CDH4: variants seen among roughly 807,000 people sequenced by gnomAD.
CDH4 encodes cadherin-4.
A neutral mutation model predicts 86.0 loss-of-function variants in CDH4; 33 were observed. The ratio of observed to expected loss-of-function variants is 0.38; its 90% CI spans 0.29 to 0.51. The LOEUF is 0.51. Ranked by LOEUF, CDH4 falls within the 20% of genes least tolerant of loss-of-function variation. The pLI is 0.86. For missense variants in CDH4, 1,114 were observed against 1,307.4 expected, an observed-to-expected ratio of 0.85 and a Z score of 2.28; for synonymous variants, 555 against 549.4, an observed-to-expected ratio of 1.01 and a Z score of -0.14.
intron 2 of CDH4, among the ~76,000 whole-genome samples, chr20:61,287,400 A>G (rs998277330): frequency 2.0e-5 from 3 of 152,118 alleles, no homozygotes; most frequent in Admixed American, 2.0e-4. Context: ...ACTTCAGCCC[A>G]GGAGGTCAAG....
At chr20:61,471,785 C>G (rs2085505221) in intron 2 of CDH4, among the ~76,000 whole-genome samples, 1 of 152,020 alleles carries the variant, frequency 6.6e-6, no homozygotes, top group Non-Finnish European at 1.5e-5. Context: ...TATTCAGGAG[C>G]CTAGTGTTTA....
intron 9 of CDH4, among the ~76,000 whole-genome samples, chr20:61,916,467 C>T (rs116195681): frequency 0.01 from 1,593 of 152,332 alleles, 33 homozygotes; most frequent in African/African-American, 0.036. Context: ...GCACAGTGCC[C>T]GGCACAAGGT....
At chr20:61,384,230 T>C (rs1396114350) in intron 2 of CDH4, among the ~76,000 whole-genome samples, 1 of 152,138 alleles carries the variant, frequency 6.6e-6, no homozygotes, top group African/African-American at 2.4e-5. Context: ...ATCAGTACTT[T>C]GTATCCTTCA....
intron 2 of CDH4, among the ~76,000 whole-genome samples, chr20:61,660,019 C>A (rs1011314517): frequency 5.9e-5 from 9 of 151,796 alleles, no homozygotes; most frequent in Admixed American, 5.9e-4. Context: ...TGGACTCCTG[C>A]TTTTCCGGCT....
chr20:61,744,704 A>T (rs995855581), intron 3 of CDH4, among the ~76,000 whole-genome samples: 12 of 152,162 alleles, frequency 7.9e-5, no homozygotes, highest in African/African-American at 2.9e-4. Flanking sequence ...CACCCGGGTG[A>T]CAGGGAGGGG....
chr20:61,595,746 T>G (rs1005946779), intron 2 of CDH4, among the ~76,000 whole-genome samples: 1 of 152,184 alleles, frequency 6.6e-6, no homozygotes, highest in Non-Finnish European at 1.5e-5. Context: ...GTGTTGTTGG[T>G]ACACTGCAGA....
At chr20:61,687,806 T>G (rs1205423207) in intron 2 of CDH4, among the ~76,000 whole-genome samples, 2 of 152,156 alleles carry the variant, frequency 1.3e-5, no homozygotes, top group Admixed American at 1.3e-4. Context: ...CGGACTACAA[T>G]TACAATGTGT....
At chr20:61,933,180 A>T in intron 14 of CDH4, 56 bp downstream of exon 14, 1 of 1,584,568 alleles carries the variant, frequency 6.3e-7, no homozygotes, top group East Asian at 2.3e-5. Flanking sequence ...CACGTGTACT[A>T]GTGTCTCAGC....
intron 3 of CDH4, among the ~76,000 whole-genome samples, chr20:61,767,542 G>T (rs763083367): frequency 2.0e-5 from 3 of 152,174 alleles, no homozygotes; most frequent in Non-Finnish European, 4.4e-5. Flanking sequence ...GGCCTTGGGC[G>T]GTGGAGGTGG....
At chr20:61,445,735 T>G (rs1317508650) in intron 2 of CDH4, among the ~76,000 whole-genome samples, 3 of 152,224 alleles carry the variant, frequency 2.0e-5, no homozygotes, top group Non-Finnish European at 4.4e-5. Flanking sequence ...GAAAAAGAAG[T>G]AAAGCCATGT....
At chr20:61,325,673 G>A (rs1022636068) in intron 2 of CDH4, among the ~76,000 whole-genome samples, 3 of 152,030 alleles carry the variant, frequency 2.0e-5, no homozygotes, top group African/African-American at 7.3e-5. Flanking sequence ...CAGCAAAGCG[G>A]GCCCCGACAG....
At chr20:61,597,710 C>T (rs913731176) in intron 2 of CDH4, among the ~76,000 whole-genome samples, 8 of 152,150 alleles carry the variant, frequency 5.3e-5, no homozygotes, top group Non-Finnish European at 7.4e-5. Context: ...AGCAGGGGTG[C>T]GCCTTCAGCG....
chr20:61,923,170 C>A lies in CDH4; in HGVS notation c.1375-281C>A, dbSNP rs565837617. On this transcript the variant is annotated intron_variant, in intron 9 of 15. Transcript: ENST00000614565. ...CCGCCCAGCGGGGGCTGCAGCCCCC[C>A]CAGGAGGAGCCCAGCTTCTGCCTCA... Among the ~76,000 whole-genome samples the A allele has an allele frequency of 1.3e-4, 20 of 152,288 alleles. No individual in the cohort carries two copies. In the East Asian group the frequency reaches 3.7e-3, roughly 28 times the overall value.
intron 2 of CDH4, among the ~76,000 whole-genome samples, chr20:61,656,298 T>TGGGCAGGCGCGTGCTGGGGG (rs2087188923): frequency 1.7e-5 from 1 of 60,236 alleles, no homozygotes; most frequent in Non-Finnish European, 3.0e-5. Context: ...CGTGCTGGGG[T>TGGGCAGGCGCGTGCTGGGGG]GGGTAGGCAC....
chr20:61,381,707 C>G (rs1600920376), intron 2 of CDH4, among the ~76,000 whole-genome samples: 1 of 152,116 alleles, frequency 6.6e-6, no homozygotes, highest in East Asian at 1.9e-4. Context: ...CTTTCCCACC[C>G]CAATTTGGCC....
In CDH4 at chr20:61,681,792, C is replaced by T. The variant is rs1209521093; in HGVS notation, c.170-61771C>T. The stretch of plus-strand genomic sequence containing the variant: ...TCTCAGGCCCGTGCAGCTGACATTC[C>T]TTTGGCTTCCTGGTGATGGAGGGAC... On this transcript the variant is annotated intron_variant, in intron 2 of 15. Transcript: ENST00000614565. This position sits in a 1 kb window ranked among gnomAD's most constrained non-coding sequence, Gnocchi z 4.5. 2.6e-5 allele frequency among the ~76,000 whole-genome samples: 4 copies of T among 152,188 alleles called. No individual in the cohort carries two copies. Among genetic ancestry groups the T allele is most frequent in the African/African-American group, 9.7e-5 (4 of 41,450 alleles).
At chr20:61,806,920 G>T (rs527492561) in intron 4 of CDH4, among the ~76,000 whole-genome samples, 1 of 152,196 alleles carries the variant, frequency 6.6e-6, no homozygotes, top group Non-Finnish European at 1.5e-5. Context: ...GGTAAGAGCC[G>T]CTGCACTCCA....
chr20:61,382,622 G>T (rs1254209637), intron 2 of CDH4, among the ~76,000 whole-genome samples: 2 of 152,208 alleles, frequency 1.3e-5, no homozygotes, highest in African/African-American at 4.8e-5. Context: ...CTGAAATGCA[G>T]GTGCGAGCAG....
rs567667886 is a variant in CDH4, at chr20:61,683,317, G to T, written c.170-60246G>T. Among the ~76,000 whole-genome samples, 31 of 152,312 alleles carry T rather than the reference G, an allele frequency of 2.0e-4. 1 individual carries two copies. Among genetic ancestry groups the T allele is most frequent in the Non-Finnish European group, 2.2e-4 (15 of 68,030 alleles). On this transcript the variant is annotated intron_variant, in intron 2 of 15. Transcript: ENST00000614565. ...GCATTAAGATGGCAGAGAAAGAAAC[G>T]ATCACAAGAGGAAATCATGCACTTC... is the stretch of plus-strand genomic sequence containing the variant.
Sources: allele counts gnomAD v4.1 joint callset (sites outside exome capture counted in the v4.1 genomes callset), GRCh38; gene constraint gnomAD v4.1.1; non-coding constraint Gnocchi (gnomAD v3.1); transcripts MANE v1.5; gene names NCBI Gene and HGNC (gene_info 2026-07-23, HGNC 2026-07-21).